The following ANO2 variants were observed in gnomAD, a reference collection of about 807,000 sequenced individuals.
The protein encoded by ANO2 is anoctamin-2.
Under a neutral mutation model 124.2 loss-of-function variants are expected in ANO2, and 101 were observed. That is an observed-to-expected ratio of 0.81 (90% CI 0.69 to 0.96). ANO2 has a LOEUF of 0.96. ANO2 is among the 40% of genes least tolerant of loss of function. The pLI is 0.00. For synonymous variants in ANO2, 486 were observed against 482.5 expected, an observed-to-expected ratio of 1.01 and a Z score of -0.09; for missense variants, 1,293 against 1,274.5, an observed-to-expected ratio of 1.01 and a Z score of -0.22.
At chr12:5,819,369 T>C (rs1292238664) in intron 7 of ANO2, among the ~76,000 whole-genome samples, 1 of 152,156 alleles carries the variant, frequency 6.6e-6, no homozygotes, top group Non-Finnish European at 1.5e-5. Flanking sequence ...GGAATGGATA[T>C]TAAGGATATG....
intron 22 of ANO2, among the ~76,000 whole-genome samples, chr12:5,576,358 GA>G (rs1400092093): frequency 1.3e-5 from 2 of 152,128 alleles, no homozygotes; most frequent in African/African-American, 4.8e-5. Context: ...ACGCTTTCCT[GA>G]AAAAAATTAC....
At chr12:5,864,586 C>T (rs1006889784) in intron 3 of ANO2, among the ~76,000 whole-genome samples, 1 of 152,204 alleles carries the variant, frequency 6.6e-6, no homozygotes, top group African/African-American at 2.4e-5. Context: ...CCCACCAGGA[C>T]ACGGAGAGCA....
At chr12:5,754,143 A>G (rs1201468170) in intron 10 of ANO2, among the ~76,000 whole-genome samples, 1 of 152,116 alleles carries the variant, frequency 6.6e-6, no homozygotes, top group African/African-American at 2.4e-5. Context: ...AGAATTTTAA[A>G]TCGTGAAACA....
chr12:5,660,558 C>T (rs556066809), intron 14 of ANO2, among the ~76,000 whole-genome samples: 6 of 151,524 alleles, frequency 4.0e-5, no homozygotes, highest in South Asian at 2.1e-4. Flanking sequence ...AACTTTCCCA[C>T]GCCCCTTGTC....
At chr12:5,883,764 G>A (rs1340742880) in intron 3 of ANO2, among the ~76,000 whole-genome samples, 2 of 152,146 alleles carry the variant, frequency 1.3e-5, no homozygotes, top group Non-Finnish European at 2.9e-5. Flanking sequence ...GGACTTTGCT[G>A]AGATGACTGA....
rs1174916233 is a variant in ANO2, at chr12:5,904,014, C to A, written c.534+17026G>T. 6.6e-6 allele frequency among the ~76,000 whole-genome samples: 1 copy of A among 152,194 alleles called. No homozygotes were observed. Among genetic ancestry groups the A allele is most frequent in the African/African-American group, 2.4e-5 (1 of 41,440 alleles). ...TGTACATGGGTCATCCTGCATGACC[C>A]TGGGCAATTTCCTGCCTTCTGCTTT... On this transcript the variant is annotated intron_variant, in intron 3 of 24. Coordinates refer to ENST00000682330, the MANE Select transcript of ANO2 (RefSeq NM_001364791.2). This position sits in a 1 kb window ranked among gnomAD's most constrained non-coding sequence, Gnocchi z 4.1.
In ANO2 at chr12:5,612,885, C is replaced by T. The variant is rs1466064108; in HGVS notation, c.1986+16G>A. The T allele has an allele frequency of 1.2e-6, 2 of 1,613,716 alleles. No homozygotes were observed. The highest frequency in any genetic ancestry group is 1.3e-5 in the African/African-American group (1 of 74,898). On this transcript the variant is annotated intron_variant, in intron 18 of 24. Transcript: ENST00000682330. ...GGTTGGGGTGCCAGGCATGAAACAC[C>T]AGTGGCTGTACTTGCCTCTTCCATG... is the stretch of plus-strand genomic sequence containing the variant.
chr12:5,597,575 C>T (rs552467897), intron 20 of ANO2, among the ~76,000 whole-genome samples: 1 of 152,302 alleles, frequency 6.6e-6, no homozygotes, highest in African/African-American at 2.4e-5. Context: ...GGGGTCTCTG[C>T]TCTAATCACC....
chr12:5,596,527 G>A (rs767553306), intron 20 of ANO2, among the ~76,000 whole-genome samples: 1 of 152,134 alleles, frequency 6.6e-6, no homozygotes, highest in East Asian at 1.9e-4. Context: ...AAGGTGTGGG[G>A]TTTGGGGTTT....
upstream of ANO2, chr12:5,945,284 C>T (rs1943059617): frequency 8.1e-7 from 1 of 1,238,066 alleles, no homozygotes; most frequent in Admixed American, 2.6e-5. Context: ...CGCCGCGGGG[C>T]TAATTCCATC....
chr12:5,843,436 GCTA>G (rs1954585330), intron 4 of ANO2, among the ~76,000 whole-genome samples: 1 of 152,056 alleles, frequency 6.6e-6, no homozygotes, highest in Non-Finnish European at 1.5e-5. Flanking sequence ...TATAATCCCA[GCTA>G]CTTGGGAGGC....
At chr12:5,937,809 T>A (rs73259020) in intron 1 of ANO2, among the ~76,000 whole-genome samples, 1 of 152,054 alleles carries the variant, frequency 6.6e-6, no homozygotes, top group African/African-American at 2.4e-5. Context: ...GTCTTCCCTA[T>A]TGATCTTTCT....
chr12:5,643,063 TACACACACACAC>T (rs67252256), intron 15 of ANO2, among the ~76,000 whole-genome samples: 1 of 149,984 alleles, frequency 6.7e-6, no homozygotes, highest in Non-Finnish European at 1.5e-5. Flanking sequence ...AAATCCATTT[TACACACACACAC>T]ACACACACAC....
chr12:5,917,524 A>C (rs772729147), intron 3 of ANO2, among the ~76,000 whole-genome samples: 11 of 151,476 alleles, frequency 7.3e-5, no homozygotes, highest in Non-Finnish European at 1.6e-4. Flanking sequence ...TCTTCATAAT[A>C]ACCCAGTGAA....
chr12:5,922,610 CAGTA>C lies in ANO2; in HGVS notation c.207+6_207+9del. 1 of 1,525,478 alleles carries C rather than the reference CAGTA, an allele frequency of 6.6e-7. No individual in the cohort carries two copies. The allele number at this position is 1,525,478 out of a possible 1,614,324, so 94.5% of individuals were successfully genotyped here. A position where few individuals can be genotyped will look rare whatever the true frequency, so the allele number is the denominator to read the frequency against. On this transcript the variant is annotated splice_donor_region_variant and intron_variant, in intron 2 of 24. Transcript: ENST00000682330. ...CCTATCCCCCCACCCCACCCCCGCC[CAGTA>C]CTCACAGAGCTGCTGCGGGTGCTCT...
chr12:5,781,466 A>G (rs907081568), intron 10 of ANO2, among the ~76,000 whole-genome samples: 11 of 152,216 alleles, frequency 7.2e-5, no homozygotes, highest in African/African-American at 1.9e-4. Flanking sequence ...ACAAAGTTCT[A>G]TCTCTAGGAT....
Position 5,828,514 on chromosome 12 carries a change from GTCC to G in ANO2, c.841-697_841-695del, listed in dbSNP as rs1363953790. On this transcript the variant is annotated intron_variant, in intron 6 of 24. Coordinates refer to ENST00000682330, the MANE Select transcript of ANO2 (RefSeq NM_001364791.2). ...CTTTATTTCTCTGGTTTTTTCCTGG[GTCC>G]TCATCTTGCCTCCCTGATCAGAGCA... is the stretch of plus-strand genomic sequence containing the variant. Among the ~76,000 whole-genome samples the G allele has an allele frequency of 6.6e-5, 10 of 152,222 alleles. No individual in the cohort carries two copies. In the East Asian group the frequency reaches 1.7e-3, roughly 26 times the overall value.
chr12:5,735,702 T>C (rs1259835604), intron 13 of ANO2, among the ~76,000 whole-genome samples: 1 of 151,422 alleles, frequency 6.6e-6, no homozygotes, highest in Non-Finnish European at 1.5e-5. Flanking sequence ...CCTTGCAGAG[T>C]CTGGGGGAAA....
At position 5,575,933 on chromosome 12, in the gene ANO2, C is replaced by T. The variant is rs754969629; in HGVS notation, c.2522G>A (p.Gly841Asp). 65 of 1,613,368 alleles carry T rather than the reference C, an allele frequency of 4.0e-5. No homozygotes were observed. The highest frequency in any genetic ancestry group is 5.0e-5 in the Non-Finnish European group (59 of 1,179,742). The change falls in exon 23 of 25, where the codon GGC becomes GAC. Residue 841 changes from glycine (G) to aspartate (D), a missense_variant. Transcript: ENST00000682330. ...YSYSHNGTLHGFVNHTLSFFN... is the reference protein window; with the variant it reads ...YSYSHNGTLHDFVNHTLSFFN... ...AAAGGAGAGGGTGTGGTTGACAAAG[C>T]CGTGCAGAGTCCCATTGTGACTGTA...
Sources: allele counts gnomAD v4.1 joint callset (sites outside exome capture counted in the v4.1 genomes callset), GRCh38; gene constraint gnomAD v4.1.1; non-coding constraint Gnocchi (gnomAD v3.1); transcripts MANE v1.5; gene names NCBI Gene and HGNC (gene_info 2026-07-23, HGNC 2026-07-21).